Variants in RPTOR observed in about 807,000 individuals in gnomAD.
RPTOR encodes regulatory associated protein of MTOR complex 1.
Under a neutral mutation model 169.9 loss-of-function variants are expected in RPTOR, and 21 were observed. The observed-to-expected ratio is 0.12, with a 90% CI of 0.09 to 0.18. The LOEUF is 0.18. RPTOR is among the 10% of genes least tolerant of loss of function. The pLI is 1.00. For missense variants in RPTOR, 1,133 were observed against 1,855.9 expected (o/e 0.61, Z 7.16); for synonymous variants, 732 against 753.2 (o/e 0.97, Z 0.46).
intron 27 of RPTOR, among the ~76,000 whole-genome samples, chr17:80,948,342 C>A (rs1422226121): frequency 6.6e-6 from 1 of 152,264 alleles, no homozygotes; most frequent in African/African-American, 2.4e-5. Context: ...CCCCTCAGGA[C>A]CAAGTAGCAT....
At chr17:80,963,809 C>CGTCCGCTGTGCGGCCGAGTCCTCACCCT (rs2069384235) in intron 33 of RPTOR, among the ~76,000 whole-genome samples, 2 of 120,372 alleles carry the variant, frequency 1.7e-5, no homozygotes, top group Non-Finnish European at 3.3e-5. Context: ...GCCCTCACCC[C>CGTCCGCTGTGCGGCCGAGTCCTCACCCT]GTCCGCTGTG....
intron 3 of RPTOR, among the ~76,000 whole-genome samples, chr17:80,703,728 TGC>T (rs1264927447): frequency 1.3e-5 from 2 of 152,224 alleles, no homozygotes; most frequent in African/African-American, 4.8e-5. Context: ...CGGTGATGGC[TGC>T]ACCTCTGCCC....
intron 6 of RPTOR, among the ~76,000 whole-genome samples, chr17:80,755,043 A>T (rs2066666400): frequency 6.6e-6 from 1 of 152,150 alleles, no homozygotes; most frequent in South Asian, 2.1e-4. Flanking sequence ...ACAGCAAAGT[A>T]AGGGCCCCCA....
intron 28 of RPTOR, among the ~76,000 whole-genome samples, chr17:80,956,491 T>C (rs2069250765): frequency 6.6e-6 from 1 of 152,264 alleles, no homozygotes; most frequent in South Asian, 2.1e-4. Context: ...CCTTGCTGTC[T>C]GAAGGCTGCC....
intron 24 of RPTOR, among the ~76,000 whole-genome samples, chr17:80,939,228 C>T (rs1482992145): frequency 6.6e-6 from 1 of 152,192 alleles, no homozygotes; most frequent in African/African-American, 2.4e-5. Flanking sequence ...AATGCATCTG[C>T]GTAACCCAGA....
rs1317915898 is a variant in RPTOR at position 80,707,834 on chromosome 17, G to C, written c.349-7G>C. 1.2e-6 allele frequency: 2 copies of C among 1,607,358 alleles called. No homozygotes were observed. The highest frequency in any genetic ancestry group is 1.7e-5 in the Admixed American group (1 of 59,546). On this transcript the variant is annotated splice_region_variant and splice_polypyrimidine_tract_variant and intron_variant, in intron 3 of 33. Transcript: ENST00000306801. The surrounding 1 kb of genome is among the most constrained non-coding windows in gnomAD (Gnocchi z 5.0). ...GGTAAATTTCTTCATTTCTTCTCCT[G>C]CAACAGGCCCGGTACAAGCAGAGCC...
At chr17:80,824,829 G>C (rs548018649) in intron 9 of RPTOR, among the ~76,000 whole-genome samples, 1 of 152,246 alleles carries the variant, frequency 6.6e-6, no homozygotes, top group Non-Finnish European at 1.5e-5. Flanking sequence ...CAGAGTTAAA[G>C]ACAGTGACAT....
chr17:80,773,899 C>T (rs768393075), intron 6 of RPTOR: 3 of 985,018 alleles, frequency 3.0e-6, no homozygotes, highest in Non-Finnish European at 3.6e-6. Flanking sequence ...TTCTGATTCC[C>T]TCCAGACAGC....
At chr17:80,813,943 G>C (rs140256639) in intron 7 of RPTOR, among the ~76,000 whole-genome samples, 2 of 152,268 alleles carry the variant, frequency 1.3e-5, no homozygotes, top group Non-Finnish European at 2.9e-5. Context: ...AGACCAGCCT[G>C]GGCAACATGG....
At chr17:80,741,856 G>T (rs1011651209) in intron 5 of RPTOR, among the ~76,000 whole-genome samples, 1 of 152,104 alleles carries the variant, frequency 6.6e-6, no homozygotes, top group Non-Finnish European at 1.5e-5. Context: ...TAGAGTCTGG[G>T]AAAAGGAGAG....
intron 1 of RPTOR, among the ~76,000 whole-genome samples, chr17:80,605,541 G>A (rs1325903115): frequency 6.6e-6 from 1 of 152,110 alleles, no homozygotes; most frequent in Non-Finnish European, 1.5e-5. Context: ...GAAGTGCATA[G>A]TCTTAAGTCT....
At chr17:80,832,277 A>G (rs993605039) in intron 9 of RPTOR, among the ~76,000 whole-genome samples, 2 of 152,226 alleles carry the variant, frequency 1.3e-5, no homozygotes, top group African/African-American at 4.8e-5. Flanking sequence ...GTCAGGGTGC[A>G]GGCGGCTCCT....
chr17:80,690,284 T>C (rs1055511971), intron 3 of RPTOR, among the ~76,000 whole-genome samples: 6 of 152,008 alleles, frequency 3.9e-5, no homozygotes, highest in African/African-American at 1.5e-4. Flanking sequence ...TCAATATTTC[T>C]GAAAGAAATA....
chr17:80,894,993 T>G (rs1056460654), intron 20 of RPTOR, among the ~76,000 whole-genome samples: 3 of 152,280 alleles, frequency 2.0e-5, no homozygotes, highest in African/African-American at 7.2e-5. Context: ...TATGTATCTT[T>G]GATGGTCATC....
At chr17:80,869,821 CA>C (rs946181243) in intron 13 of RPTOR, among the ~76,000 whole-genome samples, 5 of 152,262 alleles carry the variant, frequency 3.3e-5, no homozygotes, top group Non-Finnish European at 7.4e-5. Context: ...CACAGGGGAT[CA>C]GGGGGCAGAA....
At chr17:80,691,180 A>G (rs534557461) in intron 3 of RPTOR, among the ~76,000 whole-genome samples, 1 of 152,228 alleles carries the variant, frequency 6.6e-6, no homozygotes. Flanking sequence ...TCATAGAGGA[A>G]AGCCAGCATC....
chr17:80,634,183 G>C (rs571094728), intron 2 of RPTOR, among the ~76,000 whole-genome samples: 1 of 123,224 alleles, frequency 8.1e-6, no homozygotes, highest in Non-Finnish European at 1.7e-5. Flanking sequence ...GTGTGTGTGC[G>C]CATACTGTGT....
At position 80,581,162 on chromosome 17, in the gene RPTOR, G is replaced by A. The variant is rs573158755; in HGVS notation, c.162+35371G>A. ...AGGTACTAATGTAGATGAAAGACTC[G>A]TGATTTACTCCAATCTTGAAAGGAT... On this transcript the variant is annotated intron_variant, in intron 1 of 33. Transcript: ENST00000306801. Among the ~76,000 whole-genome samples the A allele has an allele frequency of 6.6e-5, 10 of 152,306 alleles. No homozygotes were observed. The South Asian group carries it at 1.2e-3, about 19-fold the overall frequency.
chr17:80,729,009 C>A (rs568772011), intron 4 of RPTOR, among the ~76,000 whole-genome samples: 1 of 152,176 alleles, frequency 6.6e-6, no homozygotes, highest in Non-Finnish European at 1.5e-5. Context: ...CGATGATGTA[C>A]GTGTCTCCAC....
Sources: gnomAD v4.1 joint callset for allele counts (sites outside exome capture counted in the v4.1 genomes callset) on GRCh38, gnomAD v4.1.1 for gene constraint, Gnocchi (gnomAD v3.1) non-coding constraint, MANE v1.5 for transcripts, NCBI Gene and HGNC (gene_info 2026-07-23, HGNC 2026-07-21) for gene names.